Variants in TMEM163 observed in about 807,000 individuals in gnomAD.
TMEM163 encodes the protein transmembrane protein 163.
A neutral mutation model predicts 29.3 loss-of-function variants in TMEM163; 17 were observed. The observed-to-expected ratio is 0.58, with a 90% CI of 0.40 to 0.87. TMEM163 has a LOEUF of 0.87. TMEM163 is among the 40% of genes least tolerant of loss of function. The pLI is 0.00. For missense variants in TMEM163, 303 were observed against 381.5 expected, an observed-to-expected ratio of 0.79 and a Z score of 1.71; for synonymous variants, 157 against 160.6, an observed-to-expected ratio of 0.98 and a Z score of 0.17.
intron 2 of TMEM163, among the ~76,000 whole-genome samples, chr2:134,569,020 T>C (rs1344410599): frequency 1.3e-5 from 2 of 152,228 alleles, no homozygotes; most frequent in African/African-American, 4.8e-5. Flanking sequence ...ACAAATAGCC[T>C]GGACTGAGTT....
At chr2:134,609,095 G>T (rs1682430491) in intron 2 of TMEM163, among the ~76,000 whole-genome samples, 1 of 63,348 alleles carries the variant, frequency 1.6e-5, no homozygotes, top group African/African-American at 6.1e-5. Flanking sequence ...TGAAAAGGAG[G>T]ACAGACCCCG....
chr2:134,589,701 CA>C (rs1455643035), intron 2 of TMEM163, among the ~76,000 whole-genome samples: 1 of 152,188 alleles, frequency 6.6e-6, no homozygotes, highest in Admixed American at 6.5e-5. Flanking sequence ...TAAAAATAGC[CA>C]ACCAGCAGCC....
At chr2:134,497,453 T>C (rs751666797) in intron 5 of TMEM163, among the ~76,000 whole-genome samples, 3 of 152,118 alleles carry the variant, frequency 2.0e-5, no homozygotes, top group Non-Finnish European at 2.9e-5. Context: ...GCCCAGACAC[T>C]GGCCAAGAGC....
chr2:134,714,061 C>T (rs1466782462), intron 1 of TMEM163, among the ~76,000 whole-genome samples: 2 of 152,170 alleles, frequency 1.3e-5, no homozygotes, highest in South Asian at 2.1e-4. Flanking sequence ...ATTTTTATCT[C>T]CTATGCTTTC....
intron 4 of TMEM163, among the ~76,000 whole-genome samples, chr2:134,509,143 GTGA>G (rs1438074860): frequency 6.6e-6 from 1 of 152,218 alleles, no homozygotes; most frequent in Non-Finnish European, 1.5e-5. Context: ...GGCATTTTCT[GTGA>G]TGATGGATGC....
At chr2:134,665,767 C>A (rs1433314737) in intron 2 of TMEM163, among the ~76,000 whole-genome samples, 1 of 152,168 alleles carries the variant, frequency 6.6e-6, no homozygotes, top group African/African-American at 2.4e-5. Flanking sequence ...AGTTCCTCAG[C>A]CTCTCCGGAC....
At chr2:134,627,066 G>C (rs949276465) in intron 2 of TMEM163, among the ~76,000 whole-genome samples, 1 of 152,104 alleles carries the variant, frequency 6.6e-6, no homozygotes, top group African/African-American at 2.4e-5. Context: ...AATTCAATAG[G>C]AAATTCTAGC....
In TMEM163 at chr2:134,456,749, C is replaced by T. The variant is rs763925495; in HGVS notation, c.837G>A (p.Val279=). The T allele has an allele frequency of 2.2e-5, 35 of 1,613,698 alleles. 1 individual carries two copies. In the East Asian group the frequency reaches 7.6e-4, roughly 35 times the overall value. The part of the protein sequence containing the change: ...VKLLIDMVPR[V]RQTRHYEMFE ...ACATCTCGTAGTGACGTGTCTGCCTCACCCTCGGCACCATGTCGATGAGGA... is the reference window on the plus strand; with the variant it reads ...ACATCTCGTAGTGACGTGTCTGCCTTACCCTCGGCACCATGTCGATGAGGA... The change falls in exon 8 of 8, where the codon GTG becomes GTA. Residue 279 remains valine, a synonymous_variant. Transcript: ENST00000281924.
At chr2:134,517,670 T>A (rs1329410028) in intron 4 of TMEM163, among the ~76,000 whole-genome samples, 1 of 152,212 alleles carries the variant, frequency 6.6e-6, no homozygotes, top group Non-Finnish European at 1.5e-5. Flanking sequence ...AGACTTCAGT[T>A]TCCTCATGTT....
intron 2 of TMEM163, among the ~76,000 whole-genome samples, chr2:134,626,587 C>T (rs1682857778): frequency 6.6e-6 from 1 of 152,184 alleles, no homozygotes; most frequent in Non-Finnish European, 1.5e-5. Context: ...TCTCAATATC[C>T]TTAACTTGAT....
chr2:134,629,873 G>C (rs1441062671), intron 2 of TMEM163, among the ~76,000 whole-genome samples: 1 of 152,174 alleles, frequency 6.6e-6, no homozygotes, highest in Non-Finnish European at 1.5e-5. Flanking sequence ...AGAGTTGACG[G>C]ACAAACTGAC....
intron 2 of TMEM163, among the ~76,000 whole-genome samples, chr2:134,697,685 G>A (rs899429183): frequency 2.6e-5 from 4 of 151,886 alleles, no homozygotes; most frequent in African/African-American, 4.8e-5. Context: ...GGCTGGTCTC[G>A]AACTCCTGAC....
intron 5 of TMEM163, among the ~76,000 whole-genome samples, chr2:134,499,066 A>G (rs1202303526): frequency 6.6e-6 from 1 of 152,216 alleles, no homozygotes; most frequent in Non-Finnish European, 1.5e-5. Context: ...CTGGTGGGGT[A>G]AAAACGGGGA....
intron 5 of TMEM163, among the ~76,000 whole-genome samples, chr2:134,493,362 CTTTTTTTTTTTTT>C (rs1159013721): frequency 9.2e-4 from 46 of 49,850 alleles, no homozygotes; most frequent in South Asian, 8.3e-3. Context: ...CTTTTGGTGT[CTTTTTTTTTTTTT>C]TTTTTTTTTT....
intron 2 of TMEM163, among the ~76,000 whole-genome samples, chr2:134,559,308 C>A (rs542125379): frequency 2.6e-4 from 40 of 152,324 alleles, no homozygotes; most frequent in Non-Finnish European, 3.4e-4. Context: ...AGGGCATGAG[C>A]AACCTGCTAT....
chr2:134,602,098 G>A (rs1682248918), intron 2 of TMEM163, among the ~76,000 whole-genome samples: 1 of 152,178 alleles, frequency 6.6e-6, no homozygotes, highest in Admixed American at 6.5e-5. Flanking sequence ...GGATGAACGT[G>A]GTTAAGGTCT....
chr2:134,530,160 A>G (rs766777763), intron 4 of TMEM163, among the ~76,000 whole-genome samples: 1 of 152,104 alleles, frequency 6.6e-6, no homozygotes, highest in Non-Finnish European at 1.5e-5. Flanking sequence ...TTCTCCCTAA[A>G]AGTTCATGCT....
intron 2 of TMEM163, among the ~76,000 whole-genome samples, chr2:134,624,449 G>T (rs1193228799): frequency 1.3e-5 from 2 of 152,178 alleles, no homozygotes; most frequent in Non-Finnish European, 2.9e-5. Flanking sequence ...ACACACACTG[G>T]GATCTATGGA....
chr2:134,692,895 T>A (rs1684502262), intron 2 of TMEM163, among the ~76,000 whole-genome samples: 1 of 152,170 alleles, frequency 6.6e-6, no homozygotes, highest in African/African-American at 2.4e-5. Flanking sequence ...CCCAGGCTAC[T>A]TCACCCATCC....
Sources: gnomAD v4.1 joint callset for allele counts (sites outside exome capture counted in the v4.1 genomes callset) on GRCh38, gnomAD v4.1.1 for gene constraint, MANE v1.5 for transcripts, NCBI Gene and HGNC (gene_info 2026-07-23, HGNC 2026-07-21) for gene names.